The following AKAP6 variants were observed in gnomAD, a reference collection of about 807,000 sequenced individuals.
The protein encoded by AKAP6 is A-kinase anchoring protein 6.
A neutral mutation model predicts 188.5 loss-of-function variants in AKAP6; 58 were observed. That is an observed-to-expected ratio of 0.31 (90% confidence interval 0.25 to 0.38). The LOEUF is 0.38. Among genes scored for constraint, AKAP6 ranks in the 10% least tolerant of loss-of-function variants. The probability of loss-of-function intolerance (pLI) is 1.00; values close to 1 mark genes in which losing one functional copy is unlikely to be tolerated. For missense variants in AKAP6, 2,710 were observed against 2,740.0 expected, an observed-to-expected ratio of 0.99 and a Z score of 0.24; for synonymous variants, 989 against 998.6, an observed-to-expected ratio of 0.99 and a Z score of 0.18.
intron 1 of AKAP6, among the ~76,000 whole-genome samples, chr14:32,344,008 C>G (rs1886982806): frequency 6.6e-6 from 1 of 152,192 alleles, no homozygotes; most frequent in Admixed American, 6.5e-5. Context: ...TCTGTCTCCT[C>G]AAGCAATTGG....
intron 8 of AKAP6, among the ~76,000 whole-genome samples, chr14:32,691,741 T>C (rs1020383913): frequency 6.6e-6 from 1 of 152,138 alleles, no homozygotes. Context: ...GTATTTTTAA[T>C]AGAGACGGGG....
intron 1 of AKAP6, among the ~76,000 whole-genome samples, chr14:32,356,857 CT>C (rs2138470943): frequency 6.6e-6 from 1 of 152,252 alleles, no homozygotes; most frequent in African/African-American, 2.4e-5. Flanking sequence ...TTGTACTCAT[CT>C]ATCAAGATGG....
At chr14:32,614,163 T>G (rs974547044) in intron 7 of AKAP6, among the ~76,000 whole-genome samples, 1 of 152,198 alleles carries the variant, frequency 6.6e-6, no homozygotes, top group Non-Finnish European at 1.5e-5. Context: ...ATATTCTAAG[T>G]GTTCTTCCTT....
intron 9 of AKAP6, among the ~76,000 whole-genome samples, chr14:32,697,479 T>C (rs568712216): frequency 6.6e-6 from 1 of 152,168 alleles, no homozygotes; most frequent in Non-Finnish European, 1.5e-5. Flanking sequence ...GACTTCACAT[T>C]TCACATCAGG....
intron 4 of AKAP6, among the ~76,000 whole-genome samples, chr14:32,566,153 G>A (rs1170715395): frequency 6.6e-6 from 1 of 152,054 alleles, no homozygotes; most frequent in African/African-American, 2.4e-5. Context: ...TTCATTCTGT[G>A]TATAGCAGAG....
chr14:32,616,809 A>G (rs76750371), intron 7 of AKAP6, among the ~76,000 whole-genome samples: 1,574 of 152,320 alleles, frequency 0.01, 22 homozygotes, highest in African/African-American at 0.033. Context: ...CCCAACATAT[A>G]TGTATATATT....
In AKAP6 at chr14:32,656,838, A is replaced by G. The variant is rs190527662; in HGVS notation, c.2731-21473A>G. 1.4e-3 allele frequency among the ~76,000 whole-genome samples: 219 copies of G among 152,272 alleles called. 1 individual carries two copies. The highest frequency in any genetic ancestry group is 6.8e-3 in the Middle Eastern group (2 of 294). On this transcript the variant is annotated intron_variant, in intron 7 of 13. Transcript: ENST00000280979. ...TCGTGAGGGTTTGTCACATGTTTAT[A>G]AAGCAGGGTTCTATGCTTCTTAAAG... is the stretch of plus-strand genomic sequence containing the variant.
chr14:32,690,651 A>G (rs1432496225), intron 8 of AKAP6, among the ~76,000 whole-genome samples: 1 of 152,184 alleles, frequency 6.6e-6, no homozygotes, highest in Non-Finnish European at 1.5e-5. Context: ...CCAAACTTAA[A>G]AATAAACACT....
rs913452637 is a variant in AKAP6, at chr14:32,444,860, G to A, written c.324+11043G>A. On this transcript the variant is annotated intron_variant, in intron 2 of 13. Coordinates refer to ENST00000280979, the MANE Select transcript of AKAP6 (RefSeq NM_004274.5). Reference sequence around the variant, plus strand: ...CATCTTCAACATTTACCTCTGCAAAGGGAAAATGGAATCTATTTCTGTAAT... The same window carrying A: ...CATCTTCAACATTTACCTCTGCAAAAGGAAAATGGAATCTATTTCTGTAAT... 2.6e-5 allele frequency among the ~76,000 whole-genome samples: 4 copies of A among 152,302 alleles called. No homozygotes were observed. The South Asian group carries it at 8.3e-4, about 32-fold the overall frequency.
chr14:32,735,606 GTTT>G (rs139360332), intron 10 of AKAP6, 49 bp from the exon 11 acceptor site: 1 of 1,304,802 alleles, frequency 7.7e-7, no homozygotes, highest in Non-Finnish European at 1.1e-6. Flanking sequence ...TGTTCGTGGG[GTTT>G]TTTTTTGTTT....
intron 12 of AKAP6, among the ~76,000 whole-genome samples, chr14:32,776,789 G>T (rs970819328): frequency 4.6e-5 from 7 of 152,114 alleles, no homozygotes. Flanking sequence ...GGCCTCCCCA[G>T]ACTCTCAGAC....
In AKAP6 at chr14:32,765,509, A is replaced by C. The variant is rs1315260075; in HGVS notation, c.3373-8169A>C. On this transcript the variant is annotated intron_variant, in intron 11 of 13. Coordinates refer to ENST00000280979, the MANE Select transcript of AKAP6 (RefSeq NM_004274.5). ...TTGCTTTAACTCCTCTTTCAGATTC[A>C]TAGTCTTCTATGTTTACTTTTATGT... is the stretch of plus-strand genomic sequence containing the variant. 1.1e-4 allele frequency among the ~76,000 whole-genome samples: 16 copies of C among 152,148 alleles called. 1 individual carries two copies. Among genetic ancestry groups the C allele is most frequent in the Non-Finnish European group, 2.4e-4 (16 of 68,022 alleles).
chr14:32,535,657 A>C lies in AKAP6; in HGVS notation c.428A>C (p.Asp143Ala). Reference protein sequence around the residue: ...LLSYSVNVIVDIHAVQLLWHQ... With the variant: ...LLSYSVNVIVAIHAVQLLWHQ... ...TCTTACTCTGTCAACGTGATAGTGGACATCCACGCAGTGCAGCTCCTCTGG... is the reference window on the plus strand; with the variant it reads ...TCTTACTCTGTCAACGTGATAGTGGCCATCCACGCAGTGCAGCTCCTCTGG... Residue 143 changes from aspartate to alanine, a missense_variant, in exon 3 of 14, where the codon GAC becomes GCC. By Grantham distance (126) the Asp-to-Ala change is moderately radical. This residue lies in a region of AKAP6 where 237 missense variants were observed against 313.9 expected (regional missense o/e 0.76). Coordinates refer to ENST00000280979, the MANE Select transcript of AKAP6 (RefSeq NM_004274.5). The C allele has an allele frequency of 6.2e-7, 1 of 1,614,240 alleles. No homozygotes were observed. Among genetic ancestry groups the C allele is most frequent in the Non-Finnish European group, 8.5e-7 (1 of 1,180,010 alleles).
chr14:32,752,105 C>G (rs2032161450), intron 11 of AKAP6, among the ~76,000 whole-genome samples: 1 of 152,030 alleles, frequency 6.6e-6, no homozygotes, highest in Admixed American at 6.6e-5. Flanking sequence ...ATAAATGGCT[C>G]CCTGTACAGA....
intron 7 of AKAP6, among the ~76,000 whole-genome samples, chr14:32,648,488 A>G (rs1888074088): frequency 6.6e-6 from 1 of 152,008 alleles, no homozygotes. Flanking sequence ...TGTTTATTAC[A>G]CTTCTCACTC....
intron 7 of AKAP6, among the ~76,000 whole-genome samples, chr14:32,631,594 AT>A (rs1887276043): frequency 6.6e-6 from 1 of 152,066 alleles, no homozygotes; most frequent in South Asian, 2.1e-4. Flanking sequence ...TTCTATTTAT[AT>A]TCTTCCAGTG....
chr14:32,779,423 A>AAG (rs1295742128), intron 12 of AKAP6, among the ~76,000 whole-genome samples: 1 of 149,624 alleles, frequency 6.7e-6, no homozygotes, highest in African/African-American at 2.4e-5. Context: ...ACCAAAAAAA[A>AAG]AAAAAAAACA....
At chr14:32,737,433 G>A (rs138286515) in intron 11 of AKAP6, among the ~76,000 whole-genome samples, 187 of 152,208 alleles carry the variant, frequency 1.2e-3, no homozygotes, top group East Asian at 5.0e-3. Flanking sequence ...TAATAATAAC[G>A]TAATATAATG....
chr14:32,519,788 G>A (rs1881722579), intron 2 of AKAP6, among the ~76,000 whole-genome samples: 1 of 152,086 alleles, frequency 6.6e-6, no homozygotes, highest in Non-Finnish European at 1.5e-5. Context: ...ACAGATCAAC[G>A]AGACAGAAAG....
Sources: allele counts gnomAD v4.1 joint callset (sites outside exome capture counted in the v4.1 genomes callset), GRCh38; gene constraint gnomAD v4.1.1; regional missense constraint gnomAD v4.1.1; transcripts MANE v1.5; gene names NCBI Gene and HGNC (gene_info 2026-07-23, HGNC 2026-07-21).